CSMD1: variants seen among roughly 807,000 people sequenced by gnomAD.
CSMD1 encodes the protein CUB and sushi domain-containing protein 1.
Under a neutral mutation model 417.5 loss-of-function variants are expected in CSMD1, and 213 were observed. That is an observed-to-expected ratio of 0.51 (90% CI 0.46 to 0.57). The LOEUF is 0.57. Among genes scored for constraint, CSMD1 ranks in the 20% least tolerant of loss-of-function variants. The pLI is 0.00. For missense variants in CSMD1, 6,923 were observed against 4,529.7 expected (o/e 1.53, Z -15.17); for synonymous variants, 2,862 against 1,736.8 (o/e 1.65, Z -16.11).
chr8:3,018,372 T>A, intron 52 of CSMD1, 105 bp downstream of exon 52: 6 of 987,982 alleles, frequency 6.1e-6, no homozygotes, highest in Non-Finnish European at 7.2e-6. Context: ...CCACCCCAGG[T>A]AGGATTTAAG....
Position 4,786,651 on chromosome 8 carries a change from T to A in CSMD1, c.86-149093A>T, listed in dbSNP as rs190943734. ...CTCTCTGATCTGAGCCTGAATCCAA[T>A]CTAGAATACGTTCTTTTACAAAATT... On this transcript the variant is annotated intron_variant, in intron 1 of 69. Transcript: ENST00000635120. Among the ~76,000 whole-genome samples, 897 of 152,328 alleles carry A rather than the reference T, an allele frequency of 5.9e-3. 13 individuals are homozygous for A. Among genetic ancestry groups the A allele is most frequent in the African/African-American group, 0.021 (856 of 41,582 alleles).
chr8:3,369,779 G>T (rs547952121), intron 18 of CSMD1, among the ~76,000 whole-genome samples: 2 of 152,316 alleles, frequency 1.3e-5, no homozygotes, highest in South Asian at 4.1e-4. Flanking sequence ...AAAAAGAAGA[G>T]AAAGTTTTAT....
At chr8:4,898,247 T>C (rs1472793940) in intron 1 of CSMD1, among the ~76,000 whole-genome samples, 1 of 152,122 alleles carries the variant, frequency 6.6e-6, no homozygotes, top group African/African-American at 2.4e-5. Flanking sequence ...TCGGGGTGCT[T>C]AGATGACTTG....
chr8:3,475,322 C>A (rs1304669971), intron 11 of CSMD1, among the ~76,000 whole-genome samples: 2 of 152,040 alleles, frequency 1.3e-5, no homozygotes, highest in Non-Finnish European at 2.9e-5. Flanking sequence ...CACTTTATCC[C>A]TAGTCTCTAG....
At chr8:3,402,295 C>T (rs1406065746) in intron 15 of CSMD1, among the ~76,000 whole-genome samples, 9 of 152,038 alleles carry the variant, frequency 5.9e-5, no homozygotes, top group South Asian at 2.1e-4. Flanking sequence ...ACTTTACGCA[C>T]ATTTTATACT....
chr8:4,516,504 C>T (rs932139337), intron 2 of CSMD1, among the ~76,000 whole-genome samples: 5 of 152,102 alleles, frequency 3.3e-5, no homozygotes, highest in Non-Finnish European at 5.9e-5. Context: ...TCTATGATCC[C>T]CCTTCCTTGG....
chr8:4,384,730 G>A (rs989454598), intron 3 of CSMD1, among the ~76,000 whole-genome samples: 1 of 152,128 alleles, frequency 6.6e-6, no homozygotes, highest in African/African-American at 2.4e-5. Flanking sequence ...ACACTCTATG[G>A]AGCAATGTTG....
intron 4 of CSMD1, among the ~76,000 whole-genome samples, chr8:4,023,996 C>A (rs1796932302): frequency 6.6e-6 from 1 of 151,860 alleles, no homozygotes; most frequent in Non-Finnish European, 1.5e-5. Context: ...AATATAAAGG[C>A]TGACATATTT....
chr8:3,201,776 A>G (rs1446925036), intron 31 of CSMD1, 51 bp from the exon 32 acceptor site: 1 of 1,118,514 alleles, frequency 8.9e-7, no homozygotes, highest in Non-Finnish European at 1.3e-6. Flanking sequence ...AGAAAACAAA[A>G]TGGAGATTTT....
chr8:4,624,230 G>A lies in CSMD1; in HGVS notation c.302+13112C>T, dbSNP rs538314710. Among the ~76,000 whole-genome samples the A allele has an allele frequency of 6.6e-5, 10 of 152,192 alleles. No homozygotes were observed. In the South Asian group the frequency reaches 1.2e-3, roughly 19 times the overall value. On this transcript the variant is annotated intron_variant, in intron 2 of 69. Transcript: ENST00000635120. ...CTATTTGTCTAAAGCCCCTGATAAC[G>A]TGCAAGTACACTTCCGGTAGATCAA...
intron 3 of CSMD1, among the ~76,000 whole-genome samples, chr8:4,072,506 A>T (rs574256098): frequency 3.9e-5 from 6 of 152,312 alleles, no homozygotes; most frequent in African/African-American, 1.4e-4. Context: ...AATCCATGCA[A>T]TTGCTGAAAG....
At chr8:3,068,376 C>T (rs966289733) in intron 49 of CSMD1, among the ~76,000 whole-genome samples, 1 of 152,168 alleles carries the variant, frequency 6.6e-6, no homozygotes, top group Admixed American at 6.5e-5. Flanking sequence ...CTCCAAGACT[C>T]AGGACTTCTA....
intron 40 of CSMD1, among the ~76,000 whole-genome samples, chr8:3,145,500 G>A (rs189829979): frequency 1.5e-4 from 23 of 152,216 alleles, no homozygotes; most frequent in Admixed American, 1.4e-3. Context: ...GTTTGTTACT[G>A]ATTTGGAATT....
At chr8:3,676,868 C>T (rs992521261) in intron 7 of CSMD1, among the ~76,000 whole-genome samples, 1 of 152,042 alleles carries the variant, frequency 6.6e-6, no homozygotes, top group Non-Finnish European at 1.5e-5. Flanking sequence ...ATGGATGAAG[C>T]TGGAAACCAT....
chr8:3,900,625 G>A (rs1807682164), intron 5 of CSMD1, among the ~76,000 whole-genome samples: 1 of 152,092 alleles, frequency 6.6e-6, no homozygotes, highest in Admixed American at 6.5e-5. Flanking sequence ...CACTAAGTTG[G>A]GTAACAGTGC....
chr8:3,812,931 A>T (rs1801164384), intron 5 of CSMD1, among the ~76,000 whole-genome samples: 1 of 152,144 alleles, frequency 6.6e-6, no homozygotes, highest in African/African-American at 2.4e-5. Context: ...CCTCTTTGAT[A>T]ACGTCAGGTA....
intron 3 of CSMD1, among the ~76,000 whole-genome samples, chr8:4,372,005 T>A (rs1802426795): frequency 6.6e-6 from 1 of 152,170 alleles, no homozygotes; most frequent in African/African-American, 2.4e-5. Context: ...ACATAAGAGT[T>A]CAAAGGTTCA....
intron 26 of CSMD1, among the ~76,000 whole-genome samples, chr8:3,264,936 T>C (rs56140845): frequency 0.033 from 4,977 of 152,240 alleles, 250 homozygotes; most frequent in African/African-American, 0.11. Context: ...GTATAGCTTA[T>C]ATATTCTTTA....
chr8:4,677,019 C>T (rs1375799842), intron 1 of CSMD1, among the ~76,000 whole-genome samples: 1 of 140,698 alleles, frequency 7.1e-6, no homozygotes, highest in Non-Finnish European at 1.5e-5. Context: ...TAGAATTTTA[C>T]ATAGAATTTT....
Sources: allele counts gnomAD v4.1 joint callset (sites outside exome capture counted in the v4.1 genomes callset), GRCh38; gene constraint gnomAD v4.1.1; transcripts MANE v1.5; gene names NCBI Gene and HGNC (gene_info 2026-07-23, HGNC 2026-07-21).